Variants in VPS50 observed in about 807,000 individuals in gnomAD.
VPS50 encodes syndetin.
A neutral mutation model predicts 139.7 loss-of-function variants in VPS50; 70 were observed. The ratio of observed to expected loss-of-function variants is 0.50; its 90% CI spans 0.41 to 0.61. The LOEUF (loss-of-function observed/expected upper bound fraction) is 0.61, where lower values mean the gene tolerates loss of function less well. Among genes scored for constraint, VPS50 ranks in the 20% least tolerant of loss-of-function variants. VPS50 has a pLI of 0.00. For synonymous variants in VPS50, 365 were observed against 376.7 expected (o/e 0.97, Z 0.36); for missense variants, 921 against 1,133.7 (o/e 0.81, Z 2.69).
intron 12 of VPS50, among the ~76,000 whole-genome samples, chr7:93,279,128 A>C (rs1273305812): frequency 1.3e-5 from 2 of 152,192 alleles, no homozygotes; most frequent in African/African-American, 4.8e-5. Context: ...AAAAAAATTA[A>C]AGAAGTTTAG....
intron 1 of VPS50, among the ~76,000 whole-genome samples, chr7:93,233,782 A>G (rs1194793188): frequency 6.6e-6 from 1 of 152,178 alleles, no homozygotes; most frequent in Non-Finnish European, 1.5e-5. Context: ...AAGTTACATA[A>G]CGTTTTTAAG....
intron 20 of VPS50, among the ~76,000 whole-genome samples, chr7:93,322,660 A>C (rs1385113297): frequency 6.6e-6 from 1 of 151,784 alleles, no homozygotes; most frequent in Non-Finnish European, 1.5e-5. Flanking sequence ...AAGATGAAGT[A>C]GAGCCAGCAC....
chr7:93,302,732 G>A (rs771986336), intron 16 of VPS50, among the ~76,000 whole-genome samples: 1 of 151,978 alleles, frequency 6.6e-6, no homozygotes, highest in African/African-American at 2.4e-5. Flanking sequence ...TAGCATGGTA[G>A]TAACAACTTG....
intron 18 of VPS50, among the ~76,000 whole-genome samples, chr7:93,306,630 C>A (rs979883841): frequency 2.6e-5 from 4 of 151,612 alleles, no homozygotes; most frequent in African/African-American, 4.8e-5. Flanking sequence ...ACTTTGTGAC[C>A]CTCAGTTTCT....
intron 9 of VPS50, among the ~76,000 whole-genome samples, chr7:93,260,803 C>T (rs1246059352): frequency 6.6e-6 from 1 of 152,140 alleles, no homozygotes; most frequent in Non-Finnish European, 1.5e-5. Context: ...TCAAGCGATT[C>T]TCCTGCCTCA....
chr7:93,288,550 G>A (rs754768094), intron 12 of VPS50, among the ~76,000 whole-genome samples: 3 of 152,118 alleles, frequency 2.0e-5, no homozygotes, highest in Admixed American at 1.3e-4. Context: ...TTGTTAGATC[G>A]TGACAAATTC....
At chr7:93,293,810 G>A (rs890200730) in intron 13 of VPS50, among the ~76,000 whole-genome samples, 3 of 152,142 alleles carry the variant, frequency 2.0e-5, no homozygotes, top group Admixed American at 6.6e-5. Flanking sequence ...TACGTTTTAG[G>A]AGTGCTCAGA....
chr7:93,262,992 A>G (rs1466355316), intron 9 of VPS50, among the ~76,000 whole-genome samples: 2 of 152,148 alleles, frequency 1.3e-5, no homozygotes, highest in African/African-American at 4.8e-5. Context: ...TTATTCTAAC[A>G]TTCTTTTATT....
At chr7:93,258,059 T>A (rs1795543737) in intron 6 of VPS50, 100 bp from the exon 7 acceptor site, 2 of 623,146 alleles carry the variant, frequency 3.2e-6, no homozygotes, top group Non-Finnish European at 5.7e-6. Context: ...GTTTTAATAG[T>A]AATCCATTTC....
chr7:93,324,600 G>A (rs769529457), intron 21 of VPS50, among the ~76,000 whole-genome samples: 41 of 152,140 alleles, frequency 2.7e-4, no homozygotes, highest in East Asian at 9.6e-4. Flanking sequence ...ATTGATTTGC[G>A]TATATTGAAC....
chr7:93,237,132 A>AT (rs1046208814), intron 1 of VPS50, among the ~76,000 whole-genome samples: 1 of 146,512 alleles, frequency 6.8e-6, no homozygotes. Context: ...TTTTTTTTGT[A>AT]TTTTTAGTAG....
intron 12 of VPS50, among the ~76,000 whole-genome samples, chr7:93,279,927 G>A (rs1351799669): frequency 1.3e-5 from 2 of 151,872 alleles, no homozygotes; most frequent in Non-Finnish European, 2.9e-5. Context: ...TTTATGCATA[G>A]TATCATTTTA....
chr7:93,323,644 C>A lies in VPS50; in HGVS notation c.1889C>A (p.Pro630Gln). ...KYMQMMNILK[P>Q]IAFDVIHFMS... The stretch of plus-strand genomic sequence containing the variant: ...ATGCAGATGATGAACATTCTTAAGC[C>A]AATTGCCTTTGATGTTATTCATTTC... Residue 630 changes from proline to glutamine, a missense_variant, in exon 21 of 28, where the codon CCA (proline) becomes CAA (glutamine). By Grantham distance (76) the Pro-to-Gln change is moderately conservative. Around this residue, in one of 3 missense-constraint regions of VPS50, gnomAD observed 744 missense variants for 930.6 expected, o/e 0.80. Coordinates refer to ENST00000305866, the MANE Select transcript of VPS50 (RefSeq NM_017667.4). The A allele has an allele frequency of 7.4e-7, 1 of 1,353,742 alleles. No individual in the cohort carries two copies. Among genetic ancestry groups the A allele is most frequent in the Admixed American group, 2.5e-5 (1 of 40,636 alleles). The allele number at this position is 1,353,742 out of a possible 1,614,324, so 83.9% of individuals were successfully genotyped here.
intron 20 of VPS50, among the ~76,000 whole-genome samples, chr7:93,319,156 A>C (rs1272942115): frequency 6.6e-6 from 1 of 152,212 alleles, no homozygotes; most frequent in African/African-American, 2.4e-5. Flanking sequence ...CCAATATCCT[A>C]TTCCTTTTCC....
intron 18 of VPS50, among the ~76,000 whole-genome samples, chr7:93,308,349 G>A (rs926884576): frequency 5.3e-5 from 8 of 151,692 alleles, no homozygotes; most frequent in African/African-American, 1.7e-4. Context: ...AGCTGCCCTC[G>A]GAATTAAATT....
chr7:93,239,199 T>G (rs1020396968), intron 1 of VPS50, among the ~76,000 whole-genome samples: 1 of 152,186 alleles, frequency 6.6e-6, no homozygotes, highest in Non-Finnish European at 1.5e-5. Context: ...AATAGCCTAT[T>G]TTTAAAAAGA....
At chr7:93,308,720 G>A in intron 18 of VPS50, 104 bp from the exon 19 acceptor site, 2 of 493,518 alleles carry the variant, frequency 4.1e-6, no homozygotes, top group Non-Finnish European at 7.4e-6. Context: ...GAATTTTCTT[G>A]TATTTAGCTG....
intron 15 of VPS50, 153 bp from the exon 16 acceptor site, chr7:93,296,992 T>TAAACCAAAG: frequency 5.6e-6 from 8 of 1,440,306 alleles, no homozygotes; most frequent in Non-Finnish European, 7.3e-6. Context: ...GCCCTTTGGG[T>TAAACCAAAG]GTTTGTAAAC....
rs929626344 is a variant in VPS50, at chr7:93,329,582, A to G, written c.1978-4535A>G. The stretch of plus-strand genomic sequence containing the variant: ...TTTTGCAGACACAAGATGCTAAATG[A>G]ACAGCAAGAAGAGGAAGCATAAAGA... On this transcript the variant is annotated intron_variant, in intron 21 of 27. Transcript: ENST00000305866. 5.3e-5 allele frequency among the ~76,000 whole-genome samples: 8 copies of G among 152,106 alleles called. No homozygotes were observed. In the South Asian group the frequency reaches 6.2e-4, roughly 12 times the overall value.
Sources: gnomAD v4.1 joint callset for allele counts (sites outside exome capture counted in the v4.1 genomes callset) on GRCh38, gnomAD v4.1.1 for gene constraint, gnomAD v4.1.1 regional missense constraint, MANE v1.5 for transcripts, NCBI Gene and HGNC (gene_info 2026-07-23, HGNC 2026-07-21) for gene names.